Variants in SLC30A9 observed in about 807,000 individuals in gnomAD.
SLC30A9 encodes solute carrier family 30 member 9.
In SLC30A9, 58 loss-of-function variants were observed where a neutral mutation model predicts 87.5. That is an observed-to-expected ratio of 0.66 (90% CI 0.54 to 0.82). The LOEUF (loss-of-function observed/expected upper bound fraction) is 0.82, where lower values mean the gene tolerates loss of function less well. SLC30A9 is among the 40% of genes least tolerant of loss of function. The pLI, the probability that SLC30A9 is intolerant of heterozygous loss-of-function variation, is 0.00. For missense variants in SLC30A9, 557 were observed against 679.1 expected (o/e 0.82, Z 2.00); for synonymous variants, 234 against 233.0 (o/e 1.00, Z -0.04).
At chr4:42,011,144 G>T (rs1715425470) in intron 2 of SLC30A9, among the ~76,000 whole-genome samples, 1 of 152,150 alleles carries the variant, frequency 6.6e-6, no homozygotes, top group Non-Finnish European at 1.5e-5. Context: ...AAGAAAAGAG[G>T]TTTAATTGAC....
At chr4:42,075,020 AATATATATATATATATATATATATATAT>A (rs546717558) in intron 15 of SLC30A9, among the ~76,000 whole-genome samples, 1 of 29,318 alleles carries the variant, frequency 3.4e-5, no homozygotes, top group African/African-American at 1.4e-4. Flanking sequence ...AGAGTTAATG[AATATATATATATATATATATATATATAT>A]ATATATATAT....
At chr4:42,060,498 A>G (rs554997093) in intron 10 of SLC30A9, among the ~76,000 whole-genome samples, 1 of 152,126 alleles carries the variant, frequency 6.6e-6, no homozygotes, top group Non-Finnish European at 1.5e-5. Context: ...TCCATATTTG[A>G]TAATAATAAA....
chr4:42,001,297 T>C (rs1714973086), intron 1 of SLC30A9, among the ~76,000 whole-genome samples: 1 of 152,040 alleles, frequency 6.6e-6, no homozygotes, highest in Non-Finnish European at 1.5e-5. Flanking sequence ...CCAGAGTCCT[T>C]TATTCTGAAA....
In SLC30A9 at chr4:42,063,752, T is replaced by C. The variant is rs146169423; in HGVS notation, c.1032+631T>C. Among the ~76,000 whole-genome samples the C allele has an allele frequency of 6.0e-3, 912 of 152,204 alleles. 9 individuals carry two copies. Among genetic ancestry groups the C allele is most frequent in the African/African-American group, 0.021 (883 of 41,536 alleles). ...CCTTTGTAGATGTTTAAAACTGTCT[T>C]TTTTTTTCTCATGGGCACTTCTTGG... On this transcript the variant is annotated intron_variant, in intron 11 of 17. Coordinates refer to ENST00000264451, the MANE Select transcript of SLC30A9 (RefSeq NM_006345.4).
intron 15 of SLC30A9, 145 bp downstream of exon 15, chr4:42,070,836 C>A: frequency 1.7e-6 from 1 of 574,370 alleles, no homozygotes. Context: ...AATTATAATC[C>A]TGGAAGTAAG....
intron 5 of SLC30A9, 102 bp downstream of exon 5, chr4:42,023,032 A>G (rs3213766): frequency 0.75 from 484,999 of 647,282 alleles, 189,990 homozygotes; most frequent in East Asian, 0.97. Context: ...CTTTTTAAAA[A>G]CAATATTTTT....
chr4:42,010,447 A>G (rs1715390383), intron 2 of SLC30A9, among the ~76,000 whole-genome samples: 1 of 152,218 alleles, frequency 6.6e-6, no homozygotes, highest in African/African-American at 2.4e-5. Context: ...ACTACACTCC[A>G]GCCTGGGCGA....
At chr4:42,021,147 C>T (rs1193444975) in intron 4 of SLC30A9, among the ~76,000 whole-genome samples, 1 of 151,984 alleles carries the variant, frequency 6.6e-6, no homozygotes, top group Non-Finnish European at 1.5e-5. Flanking sequence ...ATAGGTATTC[C>T]TATAATTTTT....
intron 7 of SLC30A9, among the ~76,000 whole-genome samples, chr4:42,037,063 T>C (rs1231197682): frequency 1.2e-5 from 1 of 84,648 alleles, no homozygotes. Context: ...TGTTTTGAAA[T>C]GATTTTTTTT....
At chr4:42,023,032 A>T (rs3213766) in intron 5 of SLC30A9, 102 bp downstream of exon 5, 1 of 648,010 alleles carries the variant, frequency 1.5e-6, no homozygotes, top group Non-Finnish European at 2.6e-6. Flanking sequence ...CTTTTTAAAA[A>T]CAATATTTTT....
At chr4:42,082,203 C>T (rs1394600463) in intron 17 of SLC30A9, among the ~76,000 whole-genome samples, 4 of 147,492 alleles carry the variant, frequency 2.7e-5, no homozygotes, top group East Asian at 2.0e-4. Flanking sequence ...GGTGACAAAC[C>T]GAGACTCCGT....
intron 8 of SLC30A9, among the ~76,000 whole-genome samples, chr4:42,048,441 G>A (rs10433708): frequency 0.65 from 99,172 of 151,910 alleles, 36,852 homozygotes; most frequent in East Asian, 0.96. Context: ...GCTAAAAGGG[G>A]ACATACAGTT....
chr4:42,086,490 G>A lies in SLC30A9; in HGVS notation c.*364G>A, dbSNP rs1207669856. 4 of 166,730 alleles carry A rather than the reference G, an allele frequency of 2.4e-5. No homozygotes were observed. The highest frequency in any genetic ancestry group is 9.4e-5 in the African/African-American group (4 of 42,490). 10.3% of individuals were successfully genotyped at this position (166,730 alleles called of 1,614,324 possible). A position where few individuals can be genotyped will look rare whatever the true frequency, so the allele number is the denominator to read the frequency against. ...TGGTAAAAATAAGTGGCATCCATAG[G>A]ATCATGATTTTTAATTTGTTGCCTC... On this transcript the variant is annotated 3_prime_UTR_variant, in exon 18 of 18. Coordinates refer to ENST00000264451, the MANE Select transcript of SLC30A9 (RefSeq NM_006345.4).
chr4:41,991,783 T>C (rs1019133481), intron 1 of SLC30A9, among the ~76,000 whole-genome samples: 3 of 152,168 alleles, frequency 2.0e-5, no homozygotes, highest in Non-Finnish European at 4.4e-5. Flanking sequence ...TGTAACATGT[T>C]CGTGACCTCC....
Position 42,086,212 on chromosome 4 carries a change from A to AGTCTTTCAGTGT in SLC30A9, c.*86_*87insGTCTTTCAGTGT. ...CAAAGTTTCCTCCTCTCCTACACTG[A>AGTCTTTCAGTGT]AAGACTCAGTGCCATGCAGAAGCCT... is the stretch of plus-strand genomic sequence containing the variant. On this transcript the variant is annotated 3_prime_UTR_variant, in exon 18 of 18. Coordinates refer to ENST00000264451, the MANE Select transcript of SLC30A9 (RefSeq NM_006345.4). 7.8e-6 allele frequency: 6 copies of AGTCTTTCAGTGT among 773,714 alleles called. No individual in the cohort carries two copies. The highest frequency in any genetic ancestry group is 1.2e-5 in the Non-Finnish European group (6 of 480,820). 47.9% of individuals were successfully genotyped at this position (773,714 alleles called of 1,614,324 possible). A position where few individuals can be genotyped will look rare whatever the true frequency, so the allele number is the denominator to read the frequency against.
intron 15 of SLC30A9, among the ~76,000 whole-genome samples, chr4:42,072,668 A>G (rs1387699009): frequency 6.6e-6 from 1 of 152,122 alleles, no homozygotes; most frequent in Non-Finnish European, 1.5e-5. Flanking sequence ...GGCCTTACAT[A>G]TAGTCTTGGA....
chr4:42,073,521 T>C (rs1718400143), intron 15 of SLC30A9, among the ~76,000 whole-genome samples: 1 of 152,206 alleles, frequency 6.6e-6, no homozygotes, highest in African/African-American at 2.4e-5. Context: ...CATATTACCA[T>C]CTTACAGTTT....
chr4:42,070,845 A>C (rs941378711), intron 15 of SLC30A9, among the ~76,000 whole-genome samples, 154 bp downstream of exon 15: 2 of 152,214 alleles, frequency 1.3e-5, no homozygotes, highest in African/African-American at 4.8e-5. Flanking sequence ...CCTGGAAGTA[A>C]GAAAGAATAC....
chr4:41,995,519 G>T (rs73810457), intron 1 of SLC30A9, among the ~76,000 whole-genome samples: 7,326 of 152,190 alleles, frequency 0.048, 248 homozygotes, highest in African/African-American at 0.077. Flanking sequence ...GAAGAGATAG[G>T]CAGGATGATG....
Sources: allele counts gnomAD v4.1 joint callset (sites outside exome capture counted in the v4.1 genomes callset), GRCh38; gene constraint gnomAD v4.1.1; transcripts MANE v1.5; gene names NCBI Gene and HGNC (gene_info 2026-07-23, HGNC 2026-07-21).